The following PTPRK variants were observed in gnomAD, a reference collection of about 807,000 sequenced individuals.
PTPRK encodes the protein protein tyrosine phosphatase receptor type K.
In PTPRK, 75 loss-of-function variants were observed where a neutral mutation model predicts 178.0. That is an observed-to-expected ratio of 0.42 (90% confidence interval 0.35 to 0.51). The LOEUF is 0.51. Among genes scored for constraint, PTPRK ranks in the 20% least tolerant of loss-of-function variants. The pLI, the probability that PTPRK is intolerant of heterozygous loss-of-function variation, is 0.02. For synonymous variants in PTPRK, 637 were observed against 620.6 expected (o/e 1.03, Z -0.39); for missense variants, 1,441 against 1,797.8 (o/e 0.80, Z 3.59).
intron 22 of PTPRK, among the ~76,000 whole-genome samples, chr6:127,984,624 T>G (rs1775734526): frequency 6.6e-6 from 1 of 152,174 alleles, no homozygotes; most frequent in African/African-American, 2.4e-5. Flanking sequence ...AAAACCTATT[T>G]ATCTCATTTT....
chr6:128,256,669 C>A (rs1033317396), intron 3 of PTPRK, among the ~76,000 whole-genome samples: 22 of 151,674 alleles, frequency 1.5e-4, no homozygotes, highest in African/African-American at 4.4e-4. Context: ...ATCTCCTGAC[C>A]TCGTGATCCG....
At chr6:128,188,117 T>C (rs997361027) in intron 6 of PTPRK, among the ~76,000 whole-genome samples, 2 of 152,156 alleles carry the variant, frequency 1.3e-5, no homozygotes, top group South Asian at 4.1e-4. Context: ...AAATGAAGCA[T>C]GCAATCCCCA....
At chr6:128,486,270 GT>G (rs1852861886) in intron 1 of PTPRK, among the ~76,000 whole-genome samples, 1 of 152,078 alleles carries the variant, frequency 6.6e-6, no homozygotes, top group Non-Finnish European at 1.5e-5. Context: ...TAATAACATA[GT>G]TCCAGCAGAA....
intron 2 of PTPRK, among the ~76,000 whole-genome samples, chr6:128,358,982 C>A (rs1834333125): frequency 6.6e-6 from 1 of 152,282 alleles, no homozygotes; most frequent in African/African-American, 2.4e-5. Flanking sequence ...TTATGTGATA[C>A]TTATTGCTCC....
chr6:128,060,272 T>C (rs1202251495), intron 13 of PTPRK, among the ~76,000 whole-genome samples: 2 of 152,284 alleles, frequency 1.3e-5, no homozygotes, highest in East Asian at 3.9e-4. Context: ...TATAAAAATA[T>C]TCAGAGCTAT....
chr6:128,034,798 T>C (rs898600230), intron 13 of PTPRK, among the ~76,000 whole-genome samples: 2 of 152,198 alleles, frequency 1.3e-5, no homozygotes, highest in Admixed American at 6.5e-5. Context: ...ATTGGTGTTA[T>C]GTCAAGTATA....
intron 1 of PTPRK, among the ~76,000 whole-genome samples, chr6:128,455,737 G>C (rs538038558): frequency 6.6e-6 from 1 of 152,198 alleles, no homozygotes; most frequent in South Asian, 2.1e-4. Flanking sequence ...GGAGGGTGAA[G>C]ATATACAGTC....
intron 7 of PTPRK, among the ~76,000 whole-genome samples, chr6:128,156,271 A>T (rs1797933593): frequency 6.6e-6 from 1 of 151,930 alleles, no homozygotes; most frequent in Admixed American, 6.6e-5. Context: ...AATAATCTGG[A>T]GAATAAAAAG....
rs1841719159 is a variant in PTPRK at position 128,406,896 on chromosome 6, G to A, written c.101-9208C>T. On this transcript the variant is annotated intron_variant, in intron 1 of 29. Coordinates refer to ENST00000368226, the MANE Select transcript of PTPRK (RefSeq NM_002844.4). ...AGCACTGCTTTGCACAGACATTTAAGTGACATGTAAGTCAATGGCCATTCT... is the reference window on the plus strand; with the variant it reads ...AGCACTGCTTTGCACAGACATTTAAATGACATGTAAGTCAATGGCCATTCT... 3.3e-5 allele frequency among the ~76,000 whole-genome samples: 5 copies of A among 152,162 alleles called. No homozygotes were observed. In the South Asian group the frequency reaches 1.0e-3, roughly 32 times the overall value.
chr6:128,293,089 A>G (rs997640851), intron 3 of PTPRK, among the ~76,000 whole-genome samples: 1 of 152,078 alleles, frequency 6.6e-6, no homozygotes, highest in African/African-American at 2.4e-5. Context: ...ATTTCACTTC[A>G]TACAATTATT....
rs1316446335 is a variant in PTPRK at position 128,093,625 on chromosome 6, GAAAAAACA to G, written c.1163-3641_1163-3634del. ...AAAAAAAAAAAAAAAAAAAAAAAACGAAAAAACAAAAAAACAAAACAAAACAAAAAACA... is the reference window on the plus strand; with the variant it reads ...AAAAAAAAAAAAAAAAAAAAAAAACGAAAAAACAAAACAAAACAAAAAACA... On this transcript the variant is annotated intron_variant, in intron 7 of 29. Coordinates refer to ENST00000368226, the MANE Select transcript of PTPRK (RefSeq NM_002844.4). Among the ~76,000 whole-genome samples, 346 of 62,878 alleles carry G rather than the reference GAAAAAACA, an allele frequency of 5.5e-3. 1 individual carries two copies. Among genetic ancestry groups the G allele is most frequent in the Non-Finnish European group, 8.9e-3 (270 of 30,368 alleles). The allele number at this position is 62,878 out of a possible 152,430, so 41.3% of individuals were successfully genotyped here.
At chr6:128,243,505 AAAAAAAAAG>A (rs1562858467) in intron 3 of PTPRK, among the ~76,000 whole-genome samples, 3 of 148,314 alleles carry the variant, frequency 2.0e-5, no homozygotes, top group Admixed American at 1.3e-4. Context: ...AAAAAAAAAA[AAAAAAAAAG>A]AAAAGAAAAG....
chr6:128,241,352 C>T, intron 4 of PTPRK: 2 of 527,372 alleles, frequency 3.8e-6, no homozygotes, highest in Admixed American at 3.9e-5. Context: ...TTGTCAGGCC[C>T]CACCCCAGAC....
In PTPRK at chr6:128,009,124, C is replaced by T. The variant is rs187407336; in HGVS notation, c.2333+6G>A. 1.5e-4 allele frequency: 247 copies of T among 1,607,432 alleles called. No homozygotes were observed. In the African/African-American group the frequency reaches 3.0e-3, roughly 20 times the overall value. On this transcript the variant is annotated splice_donor_region_variant and intron_variant, in intron 14 of 29. Transcript: ENST00000368226. Reference sequence around the variant, plus strand: ...GTGAGTGGGACAGGACAATATTAGGCCTTACCTCTTTTTTACAATTAATAT... The same window carrying T: ...GTGAGTGGGACAGGACAATATTAGGTCTTACCTCTTTTTTACAATTAATAT...
rs1562564409 is a variant in PTPRK at position 128,459,204 on chromosome 6, T to C, written c.100+61055A>G. ...TTTAATATCCAATAAATCAAAAACA[T>C]CTTCTTATAGTTATACGATCACACT... On this transcript the variant is annotated intron_variant, in intron 1 of 29. Transcript: ENST00000368226. Among the ~76,000 whole-genome samples the C allele has an allele frequency of 4.6e-5, 7 of 152,126 alleles. No homozygotes were observed. The South Asian group carries it at 1.4e-3, about 31-fold the overall frequency.
At chr6:128,190,680 G>A (rs1377654046) in intron 6 of PTPRK, among the ~76,000 whole-genome samples, 1 of 151,554 alleles carries the variant, frequency 6.6e-6, no homozygotes, top group Non-Finnish European at 1.5e-5. Flanking sequence ...TGTATTTTTA[G>A]TAGAGATGGG....
At chr6:128,433,139 C>G (rs1233755360) in intron 1 of PTPRK, among the ~76,000 whole-genome samples, 1 of 152,102 alleles carries the variant, frequency 6.6e-6, no homozygotes, top group African/African-American at 2.4e-5. Context: ...ATTCTTCTAC[C>G]TATTTTGAAA....
intron 1 of PTPRK, among the ~76,000 whole-genome samples, chr6:128,486,084 CAAT>C (rs1461243983): frequency 5.3e-5 from 8 of 151,968 alleles, no homozygotes; most frequent in African/African-American, 1.5e-4. Flanking sequence ...CATATTTTCT[CAAT>C]AATCCAGCTG....
At chr6:128,475,388 T>C (rs1851245767) in intron 1 of PTPRK, among the ~76,000 whole-genome samples, 1 of 152,028 alleles carries the variant, frequency 6.6e-6, no homozygotes, top group African/African-American at 2.4e-5. Context: ...TTCAGATAGA[T>C]CACTTCGCGA....
Sources: allele counts gnomAD v4.1 joint callset (sites outside exome capture counted in the v4.1 genomes callset), GRCh38; gene constraint gnomAD v4.1.1; transcripts MANE v1.5; gene names NCBI Gene and HGNC (gene_info 2026-07-23, HGNC 2026-07-21).